Variants in KALRN observed in about 807,000 individuals in gnomAD.
The protein encoded by KALRN is kalirin RhoGEF kinase.
KALRN carries 70 observed loss-of-function variants against 353.7 expected under a neutral mutation model. The ratio of observed to expected loss-of-function variants is 0.20; its 90% CI spans 0.16 to 0.24. KALRN has a LOEUF of 0.24. Ranked by LOEUF, KALRN falls within the 10% of genes least tolerant of loss-of-function variation. The pLI is 1.00. For synonymous variants in KALRN, 1,391 were observed against 1,434.8 expected (o/e 0.97, Z 0.69); for missense variants, 2,791 against 3,756.7 (o/e 0.74, Z 6.72).
intron 58 of KALRN, among the ~76,000 whole-genome samples, 177 bp downstream of exon 58, chr3:124,713,312 T>G (rs1559883848): frequency 1.3e-5 from 2 of 152,166 alleles, no homozygotes; most frequent in African/African-American, 4.8e-5. Context: ...TTTCAAAGAT[T>G]AAAAAATCAT....
chr3:124,410,098 A>T, intron 13 of KALRN: 1 of 444,416 alleles, frequency 2.3e-6, no homozygotes, highest in South Asian at 1.7e-5. Context: ...CAGGTACAGA[A>T]TCCTGGACAT....
intron 10 of KALRN, among the ~76,000 whole-genome samples, chr3:124,382,465 T>C (rs988952068): frequency 6.6e-6 from 1 of 152,226 alleles, no homozygotes; most frequent in Non-Finnish European, 1.5e-5. Flanking sequence ...GTATGTATTA[T>C]AGCAATCAGC....
chr3:124,453,555 T>C (rs889026215), intron 21 of KALRN, among the ~76,000 whole-genome samples: 1 of 152,224 alleles, frequency 6.6e-6, no homozygotes, highest in Non-Finnish European at 1.5e-5. Context: ...GCTCTGTTGT[T>C]TTTTCTGCTG....
At chr3:124,235,083 T>C (rs966314105) in intron 3 of KALRN, 140 bp downstream of exon 3, 2 of 636,010 alleles carry the variant, frequency 3.1e-6, no homozygotes, top group African/African-American at 3.7e-5. Flanking sequence ...TGGAACACCA[T>C]TGTCCATTGT....
intron 31 of KALRN, 40 bp from the exon 32 acceptor site, chr3:124,492,700 G>A (rs865859713): frequency 6.2e-7 from 1 of 1,602,944 alleles, no homozygotes; most frequent in Non-Finnish European, 8.5e-7. Context: ...TAAGGTGATG[G>A]GAGTTGGGGT....
chr3:124,576,964 A>G (rs977770200), intron 34 of KALRN, among the ~76,000 whole-genome samples: 17 of 152,142 alleles, frequency 1.1e-4, no homozygotes, highest in Non-Finnish European at 2.4e-4. Context: ...GTTTTTAGCA[A>G]TTCCAGCTGC....
At chr3:124,280,278 C>T (rs1040408342) in intron 5 of KALRN, among the ~76,000 whole-genome samples, 1 of 152,198 alleles carries the variant, frequency 6.6e-6, no homozygotes, top group Non-Finnish European at 1.5e-5. Flanking sequence ...TTCCACTGTT[C>T]TGTAGCCCCA....
chr3:124,459,780 A>G (rs1168101549), intron 23 of KALRN, among the ~76,000 whole-genome samples: 2 of 152,206 alleles, frequency 1.3e-5, no homozygotes, highest in African/African-American at 2.4e-5. Flanking sequence ...AAGAAGCTCT[A>G]TATAGTTTAT....
intron 13 of KALRN, among the ~76,000 whole-genome samples, chr3:124,411,105 TC>T (rs1225094686): frequency 6.6e-6 from 1 of 152,070 alleles, no homozygotes; most frequent in Non-Finnish European, 1.5e-5. Flanking sequence ...AAAAAAAAAT[TC>T]TGTAAGATTT....
At chr3:124,586,619 G>GAGGC (rs1272563514) in intron 34 of KALRN, among the ~76,000 whole-genome samples, 2 of 152,208 alleles carry the variant, frequency 1.3e-5, no homozygotes, top group Non-Finnish European at 2.9e-5. Flanking sequence ...GCTAGGAGAG[G>GAGGC]AGGCGTGCGA....
rs963169347 is a variant in KALRN at position 124,118,999 on chromosome 3, A to C, written c.73+85186A>C. Among the ~76,000 whole-genome samples, 38 of 152,198 alleles carry C rather than the reference A, an allele frequency of 2.5e-4. 1 individual carries two copies. The highest frequency in any genetic ancestry group is 9.2e-4 in the African/African-American group (38 of 41,446). On this transcript the variant is annotated intron_variant, in intron 1 of 59. Transcript: ENST00000682506. ...TTCCAATTCCGGTCTCCTTTTCATCATACTGTAATGAGAGCCCAGCTTTCT... is the reference window on the plus strand; with the variant it reads ...TTCCAATTCCGGTCTCCTTTTCATCCTACTGTAATGAGAGCCCAGCTTTCT...
chr3:124,128,721 T>C (rs6438832), intron 1 of KALRN, among the ~76,000 whole-genome samples: 141,864 of 152,134 alleles, frequency 0.93, 66,936 homozygotes, highest in East Asian at 1. Context: ...GAGCCTTCTG[T>C]AGGGGAGCAT....
intron 57 of KALRN, among the ~76,000 whole-genome samples, chr3:124,711,132 A>G (rs1271997801): frequency 1.3e-5 from 2 of 152,210 alleles, no homozygotes; most frequent in Non-Finnish European, 2.9e-5. Context: ...GGTAAATAAT[A>G]TATATTCAAT....
chr3:124,437,962 G>C (rs2093537537), intron 17 of KALRN, among the ~76,000 whole-genome samples: 1 of 152,082 alleles, frequency 6.6e-6, no homozygotes, highest in Admixed American at 6.5e-5. Flanking sequence ...ATAGTAAATA[G>C]TTGTTATATG....
At chr3:124,644,238 G>A (rs893316439) in intron 37 of KALRN, among the ~76,000 whole-genome samples, 3 of 152,094 alleles carry the variant, frequency 2.0e-5, no homozygotes, top group East Asian at 1.9e-4. Context: ...ATGAGATCAT[G>A]CAATATTTTT....
rs933057986 is a variant in KALRN, at chr3:124,461,771, A to T, written c.3855-119A>T. ...TTTGAAGAAAGGAAAAGACCTGTTG[A>T]TGAAGTAGAAAAATAAGACATTTAA... On this transcript the variant is annotated intron_variant, in intron 23 of 59. Transcript: ENST00000682506. 17 of 707,856 alleles carry T rather than the reference A, an allele frequency of 2.4e-5. No individual in the cohort carries two copies. In the African/African-American group the frequency reaches 3.0e-4, roughly 13 times the overall value. 43.8% of individuals were successfully genotyped at this position (707,856 alleles called of 1,614,324 possible).
chr3:124,634,060 G>A (rs531442253), intron 36 of KALRN, 107 bp downstream of exon 36: 27 of 816,638 alleles, frequency 3.3e-5, no homozygotes, highest in Middle Eastern at 2.4e-4. Context: ...TTATCTCGTC[G>A]TCCACATGAA....
intron 34 of KALRN, among the ~76,000 whole-genome samples, chr3:124,607,683 C>A (rs1289387857): frequency 6.6e-6 from 1 of 152,104 alleles, no homozygotes; most frequent in Non-Finnish European, 1.5e-5. Flanking sequence ...GTGGCACAAT[C>A]TCGGATCACT....
At chr3:124,376,690 G>A (rs1177063580) in intron 10 of KALRN, among the ~76,000 whole-genome samples, 1 of 152,104 alleles carries the variant, frequency 6.6e-6, no homozygotes, top group Non-Finnish European at 1.5e-5. Context: ...CATTTACATG[G>A]CAAACACATT....
Sources: gnomAD v4.1 joint callset for allele counts (sites outside exome capture counted in the v4.1 genomes callset) on GRCh38, gnomAD v4.1.1 for gene constraint, MANE v1.5 for transcripts, NCBI Gene and HGNC (gene_info 2026-07-23, HGNC 2026-07-21) for gene names.